The following METTL6 variants were observed in gnomAD, a reference collection of about 807,000 sequenced individuals.
The protein encoded by METTL6 is tRNA N(3)-cytidine methyltransferase METTL6.
In METTL6, 22 loss-of-function variants were observed where a neutral mutation model predicts 26.4. The observed-to-expected ratio is 0.83, with a 90% CI of 0.59 to 1.19. The LOEUF (loss-of-function observed/expected upper bound fraction) is 1.19, where lower values mean the gene tolerates loss of function less well. Among genes scored for constraint, METTL6 ranks in the 50% most tolerant of loss-of-function variants. The probability of loss-of-function intolerance (pLI) is 0.00; values close to 1 mark genes in which losing one functional copy is unlikely to be tolerated. For synonymous variants in METTL6, 109 were observed against 116.2 expected (o/e 0.94, Z 0.40); for missense variants, 304 against 324.8 (o/e 0.94, Z 0.49).
At chr3:15,406,165 C>T (rs373483842), downstream of METTL6, among the ~76,000 whole-genome samples, 46 of 152,036 alleles carry the variant, frequency 3.0e-4, no homozygotes, top group East Asian at 4.1e-3. Context: ...GTACTCACTA[C>T]GTTTCCGGCG....
At position 15,411,217 on chromosome 3, in the gene METTL6, C is replaced by A; in HGVS notation, c.*39G>T. 6.3e-7 allele frequency: 1 copy of A among 1,577,506 alleles called. No homozygotes were observed. On this transcript the variant is annotated 3_prime_UTR_variant, in exon 6 of 6. Transcript: ENST00000383790. The stretch of plus-strand genomic sequence containing the variant: ...GACGAAAGAGTGATTTTAAATTTTC[C>A]TCTTCAAGGGAAGGTATAAATGCCA...
rs1699908826 is a variant in METTL6, at chr3:15,410,129, CAT to C, written c.*1125_*1126del. ...TTTTCAGGCCTTGAAATTTTATTTA[CAT>C]GTCTCTAACACACACACATACACTT... On this transcript the variant is annotated 3_prime_UTR_variant, in exon 6 of 6. Transcript: ENST00000383790. Among the ~76,000 whole-genome samples the C allele has an allele frequency of 6.6e-6, 1 of 152,032 alleles. No homozygotes were observed. The highest frequency in any genetic ancestry group is 2.4e-5 in the African/African-American group (1 of 41,388).
At chr3:15,423,346 T>G (rs539224189) in intron 3 of METTL6, among the ~76,000 whole-genome samples, 1 of 152,094 alleles carries the variant, frequency 6.6e-6, no homozygotes, top group Admixed American at 6.5e-5. Context: ...TAAGCTGAGA[T>G]TGCACCACTG....
intron 6 of METTL6, among the ~76,000 whole-genome samples, chr3:15,395,963 A>G (rs1699476315): frequency 6.6e-6 from 1 of 152,022 alleles, no homozygotes; most frequent in Non-Finnish European, 1.5e-5. Flanking sequence ...GAATCTGACA[A>G]TTATGTGTCT....
chr3:15,394,464 A>AT (rs1699432669), intron 6 of METTL6, among the ~76,000 whole-genome samples: 1 of 152,070 alleles, frequency 6.6e-6, no homozygotes, highest in African/African-American at 2.4e-5. Flanking sequence ...GGATTCATTG[A>AT]TTTTTTGAAG....
intron 5 of METTL6, chr3:15,413,793 G>C: frequency 6.8e-7 from 1 of 1,464,198 alleles, no homozygotes; most frequent in Non-Finnish European, 9.1e-7. Context: ...ATTAACCCAA[G>C]CTCATTAGGG....
At position 15,410,676 on chromosome 3, in the gene METTL6, A is replaced by G. The variant is rs1333148522; in HGVS notation, c.*580T>C. ...AATTGAAATTGTGGTAAGTGAAACC[A>G]TGGATAAAGCGGGACTACTGTACAT... On this transcript the variant is annotated 3_prime_UTR_variant, in exon 6 of 6. Coordinates refer to ENST00000383790, the MANE Select transcript of METTL6 (RefSeq NM_152396.4). Among the ~76,000 whole-genome samples the G allele has an allele frequency of 6.6e-6, 1 of 152,088 alleles. No individual in the cohort carries two copies. The highest frequency in any genetic ancestry group is 6.5e-5 in the Admixed American group (1 of 15,276).
At chr3:15,392,282 C>G (rs2124905769) in intron 6 of METTL6, among the ~76,000 whole-genome samples, 1 of 152,290 alleles carries the variant, frequency 6.6e-6, no homozygotes, top group East Asian at 1.9e-4. Flanking sequence ...TGTCTTTTGG[C>G]TGCATAAATG....
At chr3:15,388,497 T>C (rs980494659) in intron 6 of METTL6, among the ~76,000 whole-genome samples, 1 of 152,062 alleles carries the variant, frequency 6.6e-6, no homozygotes, top group African/African-American at 2.4e-5. Context: ...AGAGATAAAA[T>C]CATAAGAAGC....
intron 3 of METTL6, among the ~76,000 whole-genome samples, chr3:15,421,502 A>C (rs2061610473): frequency 6.6e-6 from 1 of 152,124 alleles, no homozygotes; most frequent in African/African-American, 2.4e-5. Flanking sequence ...CTGCTTTGTC[A>C]CCCAGGCTGG....
At chr3:15,404,964 C>A (rs1486040435), downstream of METTL6, among the ~76,000 whole-genome samples, 1 of 152,228 alleles carries the variant, frequency 6.6e-6, no homozygotes, top group Admixed American at 6.5e-5. Context: ...ACTCATTTCA[C>A]AATTTTCCCT....
downstream of METTL6, among the ~76,000 whole-genome samples, chr3:15,407,127 G>A (rs1335064423): frequency 1.3e-5 from 2 of 151,970 alleles, no homozygotes; most frequent in East Asian, 1.9e-4. Flanking sequence ...AGTGAGCCTC[G>A]GCCTCTCAAT....
At chr3:15,412,659 T>TA (rs1700021444) in intron 5 of METTL6, among the ~76,000 whole-genome samples, 1 of 151,894 alleles carries the variant, frequency 6.6e-6, no homozygotes, top group Admixed American at 6.6e-5. Context: ...AATATTTTTT[T>TA]TTTTTTATTT....
chr3:15,404,603 G>A (rs1284924392), intron 6 of METTL6, among the ~76,000 whole-genome samples: 2 of 150,994 alleles, frequency 1.3e-5, no homozygotes, highest in African/African-American at 4.9e-5. Flanking sequence ...CGCCTGCCTC[G>A]GCCTCCCAAA....
At chr3:15,417,498 G>T (rs1049519937) in intron 3 of METTL6, among the ~76,000 whole-genome samples, 2 of 145,596 alleles carry the variant, frequency 1.4e-5, no homozygotes, top group African/African-American at 5.1e-5. Context: ...ATAGAATGAA[G>T]AATAATAAAG....
chr3:15,393,000 G>T (rs1200941140), intron 6 of METTL6, among the ~76,000 whole-genome samples: 1 of 152,138 alleles, frequency 6.6e-6, no homozygotes. Context: ...AGTTCCATAT[G>T]AACTTTAAAG....
intron 6 of METTL6, among the ~76,000 whole-genome samples, chr3:15,386,975 A>T (rs1188861324): frequency 6.6e-6 from 1 of 150,424 alleles, no homozygotes; most frequent in African/African-American, 2.5e-5. Flanking sequence ...TATTTTTAGC[A>T]GAGATGGGGG....
At position 15,411,439 on chromosome 3, in the gene METTL6, T is replaced by A. The variant is rs1319593501; in HGVS notation, c.674-2A>T. On this transcript the variant is annotated splice_acceptor_variant, in intron 5 of 5. Coordinates refer to ENST00000383790, the MANE Select transcript of METTL6 (RefSeq NM_152396.4). LOFTEE classifies it high-confidence loss of function. ...CCATAAAGAGCTGAGCCAGGAAGTC[T>A]GTAAGACAAGCATCAACAATGCTCA... The A allele has an allele frequency of 5.6e-6, 9 of 1,612,490 alleles. No individual in the cohort carries two copies. Among genetic ancestry groups the A allele is most frequent in the Non-Finnish European group, 7.6e-6 (9 of 1,179,444 alleles).
chr3:15,413,587 A>G, intron 5 of METTL6: 1 of 1,138,664 alleles, frequency 8.8e-7, no homozygotes, highest in South Asian at 1.9e-5. Context: ...CAACAAAAAA[A>G]CCAAACCCCA....
Sources: gnomAD v4.1 joint callset for allele counts (sites outside exome capture counted in the v4.1 genomes callset) on GRCh38, gnomAD v4.1.1 for gene constraint, MANE v1.5 for transcripts, NCBI Gene and HGNC (gene_info 2026-07-23, HGNC 2026-07-21) for gene names.